Variants in LIG1 observed in about 807,000 individuals in gnomAD.
LIG1 encodes the protein DNA ligase 1.
In LIG1, 70 loss-of-function variants were observed where a neutral mutation model predicts 115.7. The ratio of observed to expected loss-of-function variants is 0.60; its 90% CI spans 0.50 to 0.74. The LOEUF is 0.74. Among genes scored for constraint, LIG1 ranks in the 30% least tolerant of loss-of-function variants. LIG1 has a pLI of 0.00. For missense variants in LIG1, 1,115 were observed against 1,225.6 expected, an observed-to-expected ratio of 0.91 and a Z score of 1.35; for synonymous variants, 487 against 495.3, an observed-to-expected ratio of 0.98 and a Z score of 0.22.
At position 48,137,439 on chromosome 19, in the gene LIG1, T is replaced by C; in HGVS notation, c.1254+83A>G. The C allele has an allele frequency of 6.5e-7, 1 of 1,549,428 alleles. No individual in the cohort carries two copies. Among genetic ancestry groups the C allele is most frequent in the South Asian group, 1.1e-5 (1 of 87,680 alleles). On this transcript the variant is annotated intron_variant, in intron 13 of 27. Coordinates refer to ENST00000263274, the MANE Select transcript of LIG1 (RefSeq NM_000234.3). The surrounding 1 kb of genome is among the most constrained non-coding windows in gnomAD (Gnocchi z 4.3). Reference sequence around the variant, plus strand: ...GACTGATGCGACCCAGCTGATGGTCTACCCAGAAGCCTTCCTGACACACGC... The same window carrying C: ...GACTGATGCGACCCAGCTGATGGTCCACCCAGAAGCCTTCCTGACACACGC...
chr19:48,116,696 A>G (rs916773211), intron 26 of LIG1, among the ~76,000 whole-genome samples: 5 of 152,136 alleles, frequency 3.3e-5, no homozygotes, highest in South Asian at 2.1e-4. Flanking sequence ...GAGAGGATTA[A>G]ATGAGTGTCT....
intron 24 of LIG1, 97 bp downstream of exon 24, chr19:48,121,073 T>G (rs2033233313): frequency 6.2e-7 from 1 of 1,602,774 alleles, no homozygotes. Context: ...CAGGGGGATG[T>G]GAGCACCCCT....
chr19:48,168,613 G>T (rs969175846), intron 1 of LIG1, among the ~76,000 whole-genome samples: 19 of 152,128 alleles, frequency 1.2e-4, no homozygotes. Flanking sequence ...TAACTGTAAT[G>T]AGAGAAGACT....
chr19:48,120,221 A>AGGACACAGCACTATGTGCTATG, intron 24 of LIG1: 4 of 985,488 alleles, frequency 4.1e-6, no homozygotes, highest in Non-Finnish European at 4.8e-6. Flanking sequence ...GAGCTGGTTC[A>AGGACACAGCACTATGTGCTATG]GGACACAGCA....
At chr19:48,126,950 C>A (rs1285548397) in intron 21 of LIG1, 2 of 342,680 alleles carry the variant, frequency 5.8e-6, no homozygotes, top group African/African-American at 4.2e-5. Flanking sequence ...TTATTTTACA[C>A]TTTTGCAAAT....
Position 48,150,090 on chromosome 19 carries a change from A to T in LIG1, c.695T>A (p.Phe232Tyr), listed in dbSNP as rs1163108817. The T allele has an allele frequency of 6.2e-7, 1 of 1,614,166 alleles. No individual in the cohort carries two copies. The highest frequency in any genetic ancestry group is 8.5e-7 in the Non-Finnish European group (1 of 1,180,020). The change falls in exon 8 of 28, where the codon TTC becomes TAC. Residue 232 changes from phenylalanine to tyrosine, a missense_variant and splice_region_variant. Transcript: ENST00000263274. Reference protein sequence around the residue: ...RRAPKTLSSFFTPRKPAVKKE... With the variant: ...RRAPKTLSSFYTPRKPAVKKE... Reference sequence around the variant, plus strand: ...TGGGGTGAGCAAGGGAAACTCACTGAAGAAGCTGCTGAGCGTCTTGGGAGC... The same window carrying T: ...TGGGGTGAGCAAGGGAAACTCACTGTAGAAGCTGCTGAGCGTCTTGGGAGC...
Position 48,149,836 on chromosome 19 carries a change from G to C in LIG1, c.703C>G (p.Arg235Gly), listed in dbSNP as rs55686525. ...PKTLSSFFTP[R>G]KPAVKKEVKE... ...ACTTCTTTTTTGACTGCTGGCTTCCGGGGGGCTAGGAATGAAGACAGAAAA... is the reference window on the plus strand; with the variant it reads ...ACTTCTTTTTTGACTGCTGGCTTCCCGGGGGCTAGGAATGAAGACAGAAAA... Residue 235 changes from arginine to glycine, a missense_variant, in exon 9 of 28, where the codon CGG becomes GGG. Transcript: ENST00000263274. The C allele has an allele frequency of 6.2e-7, 1 of 1,613,324 alleles. No homozygotes were observed. The highest frequency in any genetic ancestry group is 1.1e-5 in the South Asian group (1 of 91,006).
intron 18 of LIG1, 87 bp from the exon 19 acceptor site, chr19:48,131,258 G>A: frequency 1.1e-6 from 1 of 915,568 alleles, no homozygotes; most frequent in Admixed American, 1.8e-5. Flanking sequence ...TGCACTGGTA[G>A]AAGGTTCTGG....
chr19:48,167,488 G>A (rs556467395), intron 1 of LIG1, among the ~76,000 whole-genome samples: 9 of 152,026 alleles, frequency 5.9e-5, no homozygotes, highest in African/African-American at 2.2e-4. Context: ...CTACAGCCTT[G>A]GCCGCCACAT....
At chr19:48,125,173 T>C (rs540833495) in intron 21 of LIG1, among the ~76,000 whole-genome samples, 43 of 152,244 alleles carry the variant, frequency 2.8e-4, no homozygotes, top group African/African-American at 9.9e-4. Flanking sequence ...AGGCCATCAA[T>C]AAATTTTAAA....
At chr19:48,126,192 G>A (rs1175435340) in intron 21 of LIG1, among the ~76,000 whole-genome samples, 1 of 152,118 alleles carries the variant, frequency 6.6e-6, no homozygotes, top group Non-Finnish European at 1.5e-5. Flanking sequence ...TTCATCTGTA[G>A]CCATGCCGCT....
chr19:48,138,245 G>A (rs2093745054), intron 12 of LIG1, among the ~76,000 whole-genome samples: 1 of 152,180 alleles, frequency 6.6e-6, no homozygotes, highest in Non-Finnish European at 1.5e-5. Flanking sequence ...GTGACAAGCA[G>A]CTCTCAACCT....
intron 25 of LIG1, 71 bp downstream of exon 25, chr19:48,119,066 C>T (rs2033072876): frequency 4.0e-6 from 5 of 1,265,592 alleles, no homozygotes; most frequent in Admixed American, 3.9e-5. Context: ...AAGAGCCCTG[C>T]ATGGAAGGAC....
intron 24 of LIG1, among the ~76,000 whole-genome samples, chr19:48,119,565 G>T (rs1319067485): frequency 7.1e-6 from 1 of 140,392 alleles, no homozygotes; most frequent in Admixed American, 7.2e-5. Flanking sequence ...TTGAGACAGG[G>T]TGTAGCTCTG....
intron 20 of LIG1, 121 bp from the exon 21 acceptor site, chr19:48,127,469 T>C: frequency 2.2e-6 from 2 of 903,864 alleles, no homozygotes; most frequent in Non-Finnish European, 3.6e-6. Context: ...TGCCCATCTG[T>C]GAGGGCGGCC....
chr19:48,160,743 T>C (rs1015191722), intron 4 of LIG1, among the ~76,000 whole-genome samples: 1 of 152,032 alleles, frequency 6.6e-6, no homozygotes, highest in African/African-American at 2.4e-5. Context: ...TTTTGCTTTT[T>C]TTTTTTTGAA....
chr19:48,154,856 T>C (rs539662545), intron 5 of LIG1, among the ~76,000 whole-genome samples: 1 of 152,104 alleles, frequency 6.6e-6, no homozygotes, highest in East Asian at 1.9e-4. Flanking sequence ...GACTCCACAT[T>C]CTCTGCTTTA....
intron 11 of LIG1, among the ~76,000 whole-genome samples, chr19:48,142,442 C>CAAAGAAAAAAAAAAA (rs2034825258): frequency 1.3e-5 from 1 of 75,604 alleles, no homozygotes; most frequent in African/African-American, 4.9e-5. Flanking sequence ...GACTCCATCT[C>CAAAGAAAAAAAAAAA]AAAAAAAAAA....
At chr19:48,149,003 A>G (rs1376590528) in intron 9 of LIG1, among the ~76,000 whole-genome samples, 1 of 152,174 alleles carries the variant, frequency 6.6e-6, no homozygotes, top group African/African-American at 2.4e-5. Context: ...GGCTTCCAGC[A>G]CATACACTAA....
Sources: allele counts gnomAD v4.1 joint callset (sites outside exome capture counted in the v4.1 genomes callset), GRCh38; gene constraint gnomAD v4.1.1; non-coding constraint Gnocchi (gnomAD v3.1); transcripts MANE v1.5; gene names NCBI Gene and HGNC (gene_info 2026-07-23, HGNC 2026-07-21).